VEGFC: variants seen among roughly 807,000 people sequenced by gnomAD.
VEGFC encodes vascular endothelial growth factor C, also known as FLT4 ligand DHM.
A neutral mutation model predicts 46.1 loss-of-function variants in VEGFC; 12 were observed. The ratio of observed to expected loss-of-function variants is 0.26; its 90% CI spans 0.17 to 0.42. VEGFC has a LOEUF of 0.42. Ranked by LOEUF, VEGFC falls within the 10% of genes least tolerant of loss-of-function variation. The pLI is 1.00. For missense variants in VEGFC, 488 were observed against 529.4 expected (o/e 0.92, Z 0.77); for synonymous variants, 232 against 195.5 (o/e 1.19, Z -1.56).
At position 176,687,463 on chromosome 4, in the gene VEGFC, G is replaced by A; in HGVS notation, c.869C>T (p.Thr290Ile). ...CGPNKELDEE[T>I]CQCVCRAGLR... The stretch of plus-strand genomic sequence containing the variant: ...CCCCGCTCTGCAGACACACTGACAG[G>A]TCTCTTCATCCAGCTCCTTGTTTGG... The change falls in exon 6 of 7, where the codon ACC (threonine) becomes ATC (isoleucine). Residue 290 changes from threonine (T) to isoleucine (I), a missense_variant. By Grantham distance (89) the Thr-to-Ile change is moderately conservative. Coordinates refer to ENST00000618562, the MANE Select transcript of VEGFC (RefSeq NM_005429.5). The A allele has an allele frequency of 6.2e-7, 1 of 1,613,936 alleles. No individual in the cohort carries two copies. Among genetic ancestry groups the A allele is most frequent in the African/African-American group, 1.3e-5 (1 of 75,026 alleles).
At chr4:176,753,777 C>T (rs187461809) in intron 1 of VEGFC, among the ~76,000 whole-genome samples, 2 of 152,158 alleles carry the variant, frequency 1.3e-5, no homozygotes, top group East Asian at 3.9e-4. Flanking sequence ...TTATGACTTA[C>T]TCATCATAAA....
In VEGFC at chr4:176,751,072, A is replaced by C. The variant is rs1397569624; in HGVS notation, c.148-21326T>G. ...ATTTATTAAAAACTATAAGACTGAG[A>C]ATAATAAATTTAAGGTAATTCAACT... is the stretch of plus-strand genomic sequence containing the variant. On this transcript the variant is annotated intron_variant, in intron 1 of 6. Coordinates refer to ENST00000618562, the MANE Select transcript of VEGFC (RefSeq NM_005429.5). Among the ~76,000 whole-genome samples, 2 of 151,842 alleles carry C rather than the reference A, an allele frequency of 1.3e-5. 1 individual carries two copies.
At chr4:176,755,758 C>T (rs973600680) in intron 1 of VEGFC, among the ~76,000 whole-genome samples, 3 of 151,904 alleles carry the variant, frequency 2.0e-5, no homozygotes, top group East Asian at 3.9e-4. Context: ...AATATTCAAC[C>T]CATACGTTAA....
chr4:176,714,502 A>C (rs1319559001), intron 3 of VEGFC, among the ~76,000 whole-genome samples: 1 of 152,234 alleles, frequency 6.6e-6, no homozygotes, highest in Non-Finnish European at 1.5e-5. Flanking sequence ...AGCAATGCAA[A>C]AACAAAGTAA....
chr4:176,777,823 G>A (rs1735839823), intron 1 of VEGFC, among the ~76,000 whole-genome samples: 1 of 150,610 alleles, frequency 6.6e-6, no homozygotes, highest in African/African-American at 2.5e-5. Flanking sequence ...GGAGGCTGGG[G>A]CAGGAGAATG....
At chr4:176,701,193 A>C (rs1467022433) in intron 4 of VEGFC, among the ~76,000 whole-genome samples, 1 of 152,218 alleles carries the variant, frequency 6.6e-6, no homozygotes, top group Non-Finnish European at 1.5e-5. Flanking sequence ...GAAACTCGTG[A>C]AAGAGGATGT....
rs370523661 is a variant in VEGFC, at chr4:176,692,810, TCCCTGAC to T, written c.705-4890_705-4884del. The stretch of plus-strand genomic sequence containing the variant: ...CGGGCAGACTGCTTCCTCAAGTGGG[TCCCTGAC>T]CCCTGACCCCCGAGCAGCCTAACTG... On this transcript the variant is annotated intron_variant, in intron 4 of 6. Transcript: ENST00000618562. Among the ~76,000 whole-genome samples, 485 of 146,170 alleles carry T rather than the reference TCCCTGAC, an allele frequency of 3.3e-3. 6 individuals carry two copies. Among genetic ancestry groups the T allele is most frequent in the African/African-American group, 0.01 (377 of 37,452 alleles).
intron 1 of VEGFC, among the ~76,000 whole-genome samples, chr4:176,756,865 T>G (rs1365670269): frequency 2.0e-5 from 3 of 151,996 alleles, no homozygotes; most frequent in African/African-American, 7.2e-5. Context: ...GAATAACAGG[T>G]GAAATGGATG....
At position 176,792,026 on chromosome 4, in the gene VEGFC, C is replaced by T. The variant is rs892123172; in HGVS notation, c.147+139G>A. The T allele has an allele frequency of 5.2e-5, 60 of 1,162,576 alleles. No individual in the cohort carries two copies. Among genetic ancestry groups the T allele is most frequent in the Non-Finnish European group, 6.3e-5 (57 of 900,010 alleles). 72.0% of individuals were successfully genotyped at this position (1,162,576 alleles called of 1,614,324 possible). A position where few individuals can be genotyped will look rare whatever the true frequency, so the allele number is the denominator to read the frequency against. ...AGAAGAAGATTTTTCTCCAAAGCAG[C>T]GTGCACTGAGCTCAGTAACTTTGGA... On this transcript the variant is annotated intron_variant, in intron 1 of 6. Coordinates refer to ENST00000618562, the MANE Select transcript of VEGFC (RefSeq NM_005429.5). The surrounding 1 kb of genome is among the most constrained non-coding windows in gnomAD (Gnocchi z 6.3).
At position 176,792,387 on chromosome 4, in the gene VEGFC, G is replaced by C. The variant is rs1173297679; in HGVS notation, c.-76C>G. On this transcript the variant is annotated 5_prime_UTR_variant, in exon 1 of 7. Coordinates refer to ENST00000618562, the MANE Select transcript of VEGFC (RefSeq NM_005429.5). This position sits in a 1 kb window ranked among gnomAD's most constrained non-coding sequence, Gnocchi z 6.3. ...GGGGCGCGGGCGCCCCTGCGAGGCCGCGGGCCCCTCCTGGTCCCTCTCCCC... is the reference window on the plus strand; with the variant it reads ...GGGGCGCGGGCGCCCCTGCGAGGCCCCGGGCCCCTCCTGGTCCCTCTCCCC... 1 of 1,212,614 alleles carries C rather than the reference G, an allele frequency of 8.2e-7. No homozygotes were observed. The highest frequency in any genetic ancestry group is 1.1e-6 in the Non-Finnish European group (1 of 919,228). 75.1% of individuals were successfully genotyped at this position (1,212,614 alleles called of 1,614,324 possible).
intron 3 of VEGFC, among the ~76,000 whole-genome samples, chr4:176,722,488 G>GTTTTTTTTTTTTTTTTTTTTTTT (rs138526102): frequency 7.4e-6 from 1 of 134,980 alleles, no homozygotes. Context: ...TTTTTCTTTT[G>GTTTTTTTTTTTTTTTTTTTTTTT]TTTTTTTTTT....
Position 176,792,038 on chromosome 4 carries a change from T to C in VEGFC, c.147+127A>G. 8.0e-7 allele frequency: 1 copy of C among 1,250,976 alleles called. No homozygotes were observed. The highest frequency in any genetic ancestry group is 2.7e-5 in the South Asian group (1 of 36,964). 77.5% of individuals were successfully genotyped at this position (1,250,976 alleles called of 1,614,324 possible). A position where few individuals can be genotyped will look rare whatever the true frequency, so the allele number is the denominator to read the frequency against. ...TTCTCCAAAGCAGCGTGCACTGAGC[T>C]CAGTAACTTTGGATCCCACGTACAC... is the stretch of plus-strand genomic sequence containing the variant. On this transcript the variant is annotated intron_variant, in intron 1 of 6. Coordinates refer to ENST00000618562, the MANE Select transcript of VEGFC (RefSeq NM_005429.5). This position sits in a 1 kb window ranked among gnomAD's most constrained non-coding sequence, Gnocchi z 6.3.
At chr4:176,729,807 A>T (rs1161612913) in intron 1 of VEGFC, 61 bp from the exon 2 acceptor site, 4 of 1,387,232 alleles carry the variant, frequency 2.9e-6, no homozygotes, top group Non-Finnish European at 3.9e-6. Context: ...AAACAAATGC[A>T]CTATAAAACG....
At chr4:176,709,572 G>C (rs1403734201) in intron 4 of VEGFC, among the ~76,000 whole-genome samples, 2 of 152,160 alleles carry the variant, frequency 1.3e-5, no homozygotes, top group African/African-American at 4.8e-5. Flanking sequence ...TGGAAAGGCA[G>C]AACACAAGCC....
intron 4 of VEGFC, among the ~76,000 whole-genome samples, chr4:176,701,129 G>A (rs1038389517): frequency 1.3e-5 from 2 of 152,124 alleles, no homozygotes; most frequent in African/African-American, 4.8e-5. Context: ...TGTCAGTATC[G>A]GCTCCTCAAC....
At chr4:176,759,721 T>C (rs1735495813) in intron 1 of VEGFC, among the ~76,000 whole-genome samples, 1 of 132,892 alleles carries the variant, frequency 7.5e-6, no homozygotes, top group Non-Finnish European at 1.7e-5. Context: ...GAGTTTTCAT[T>C]TCTCATTTTT....
chr4:176,705,999 A>T (rs893904055), intron 4 of VEGFC: 2 of 152,236 alleles, frequency 1.3e-5, no homozygotes, highest in African/African-American at 4.8e-5. Flanking sequence ...TCCCTACAGC[A>T]TCCACACTCT....
At chr4:176,759,949 C>T (rs1005349298) in intron 1 of VEGFC, among the ~76,000 whole-genome samples, 8 of 151,688 alleles carry the variant, frequency 5.3e-5, no homozygotes, top group African/African-American at 1.7e-4. Flanking sequence ...GCATAGCTTC[C>T]AAATTTAGAG....
At chr4:176,690,825 G>T (rs937377861) in intron 4 of VEGFC, among the ~76,000 whole-genome samples, 33 of 152,170 alleles carry the variant, frequency 2.2e-4, no homozygotes, top group African/African-American at 7.5e-4. Flanking sequence ...ACACTGCCAT[G>T]TTGGCATCGA....
Sources: allele counts gnomAD v4.1 joint callset (sites outside exome capture counted in the v4.1 genomes callset), GRCh38; gene constraint gnomAD v4.1.1; non-coding constraint Gnocchi (gnomAD v3.1); transcripts MANE v1.5; gene names NCBI Gene and HGNC (gene_info 2026-07-23, HGNC 2026-07-21).